AKIRIN1: variants seen among roughly 807,000 people sequenced by gnomAD.
The protein encoded by AKIRIN1 is akirin-1.
A neutral mutation model predicts 25.9 loss-of-function variants in AKIRIN1; 4 were observed. The observed-to-expected ratio is 0.15, with a 90% CI of 0.08 to 0.35. The LOEUF (loss-of-function observed/expected upper bound fraction) is 0.35. Ranked by LOEUF, AKIRIN1 falls within the 10% of genes least tolerant of loss-of-function variation. The pLI is 1.00. For synonymous variants in AKIRIN1, 125 were observed against 105.1 expected (o/e 1.19, Z -1.16); for missense variants, 243 against 266.1 (o/e 0.91, Z 0.61).
chr1:39,000,160 G>A (rs1643978267), intron 2 of AKIRIN1, among the ~76,000 whole-genome samples: 1 of 151,552 alleles, frequency 6.6e-6, no homozygotes, highest in Admixed American at 6.6e-5. Flanking sequence ...TGGGATTACA[G>A]GCGAGAGCCA....
chr1:38,994,493 G>A (rs1468259378), intron 1 of AKIRIN1, among the ~76,000 whole-genome samples: 1 of 151,940 alleles, frequency 6.6e-6, no homozygotes, highest in Non-Finnish European at 1.5e-5. Flanking sequence ...AATTAAGGTA[G>A]CATTTTAGCT....
At chr1:38,997,719 T>C (rs761180614) in intron 1 of AKIRIN1, among the ~76,000 whole-genome samples, 8 of 152,200 alleles carry the variant, frequency 5.3e-5, no homozygotes, top group Non-Finnish European at 1.2e-4. Flanking sequence ...TTAGAAGGTC[T>C]TGGGCAGTAT....
In AKIRIN1 at chr1:38,991,436, GC is replaced by G. The variant is rs1235709889; in HGVS notation, c.60del (p.Gly21AlafsTer60). ...ATGGAGTTCGAGGCGGCGCTGCTGA[GC>G]CCCGGCTCCCCGAAGCGGCGGCGCT... ...RPMEFEAALL[S>X]PGSPKRRRCA... On this transcript the variant is annotated frameshift_variant, in exon 1 of 5. Transcript: ENST00000432648. LOFTEE classifies it high-confidence loss of function. The G allele has an allele frequency of 7.3e-7, 1 of 1,369,258 alleles. No individual in the cohort carries two copies. The highest frequency in any genetic ancestry group is 9.4e-7 in the Non-Finnish European group (1 of 1,065,438). 84.8% of individuals were successfully genotyped at this position (1,369,258 alleles called of 1,614,324 possible).
At chr1:39,003,790 G>A (rs1404415250) in intron 4 of AKIRIN1, among the ~76,000 whole-genome samples, 1 of 152,202 alleles carries the variant, frequency 6.6e-6, no homozygotes, top group Non-Finnish European at 1.5e-5. Context: ...CCTTAAGTTA[G>A]TTTATCAAGT....
chr1:39,005,321 A>AC lies in AKIRIN1; in HGVS notation c.*1266_*1267insC, dbSNP rs1644026576. 5 of 143,892 alleles carry AC rather than the reference A, an allele frequency of 3.5e-5. No individual in the cohort carries two copies. The highest frequency in any genetic ancestry group is 7.8e-5 in the Non-Finnish European group (5 of 64,442). The allele number at this position is 143,892 out of a possible 1,614,324, so 8.9% of individuals were successfully genotyped here. ...AGACTTCGTCTCAAAAAAAAAAAAAAAACATAGAATTTGGATCCTTTGGTC... is the reference window on the plus strand; with the variant it reads ...AGACTTCGTCTCAAAAAAAAAAAAAACAACATAGAATTTGGATCCTTTGGTC... On this transcript the variant is annotated 3_prime_UTR_variant, in exon 5 of 5. Coordinates refer to ENST00000432648, the MANE Select transcript of AKIRIN1 (RefSeq NM_024595.3).
At chr1:39,003,949 C>A in intron 4 of AKIRIN1, 96 bp from the exon 5 acceptor site, 2 of 1,059,260 alleles carry the variant, frequency 1.9e-6, no homozygotes, top group Non-Finnish European at 2.8e-6. Flanking sequence ...ATCGTTCATG[C>A]TATTTCTCAC....
Position 38,991,380 on chromosome 1 carries a change from C to A in AKIRIN1, c.-1C>A, listed in dbSNP as rs1570968520. Reference sequence around the variant, plus strand: ...CTCCCGGTCCCTGGCCCCTCAGCGGCATGGCGTGCGGGGCGACGCTGAAGC... The same window carrying A: ...CTCCCGGTCCCTGGCCCCTCAGCGGAATGGCGTGCGGGGCGACGCTGAAGC... On this transcript the variant is annotated 5_prime_UTR_variant, in exon 1 of 5. Transcript: ENST00000432648. 1 of 1,337,334 alleles carries A rather than the reference C, an allele frequency of 7.5e-7. No individual in the cohort carries two copies. The highest frequency in any genetic ancestry group is 9.6e-7 in the Non-Finnish European group (1 of 1,046,738). 82.8% of individuals were successfully genotyped at this position (1,337,334 alleles called of 1,614,324 possible).
intron 3 of AKIRIN1, among the ~76,000 whole-genome samples, chr1:39,002,656 G>T (rs1057092372): frequency 6.6e-6 from 1 of 152,078 alleles, no homozygotes; most frequent in African/African-American, 2.4e-5. Flanking sequence ...CGTGAATCGG[G>T]GAGGCAGAGG....
chr1:39,002,200 T>TGTGA (rs1244663171), intron 3 of AKIRIN1, among the ~76,000 whole-genome samples: 3 of 152,132 alleles, frequency 2.0e-5, no homozygotes, highest in African/African-American at 7.2e-5. Context: ...AGGGTGACAG[T>TGTGA]GTGAGTAATT....
chr1:38,998,079 G>A, intron 1 of AKIRIN1, 92 bp from the exon 2 acceptor site: 13 of 1,377,302 alleles, frequency 9.4e-6, no homozygotes, highest in African/African-American at 1.4e-5. Context: ...CTAAAGTCTA[G>A]TCAGAAGATC....
intron 2 of AKIRIN1, among the ~76,000 whole-genome samples, chr1:38,999,899 T>G (rs573584516): frequency 8.6e-5 from 13 of 151,964 alleles, no homozygotes; most frequent in African/African-American, 1.4e-4. Context: ...TTTTTTTGGG[T>G]TTTTCTTGAG....
chr1:38,996,713 T>C (rs1643950967), intron 1 of AKIRIN1, among the ~76,000 whole-genome samples: 1 of 152,010 alleles, frequency 6.6e-6, no homozygotes, highest in South Asian at 2.1e-4. Context: ...TTATTTTTAG[T>C]AGAGACGGTG....
intron 3 of AKIRIN1, among the ~76,000 whole-genome samples, chr1:39,002,434 TAAG>T (rs1644000656): frequency 6.6e-6 from 1 of 152,104 alleles, no homozygotes; most frequent in African/African-American, 2.4e-5. Context: ...ATATGTATTA[TAAG>T]AAGAAGGTCT....
intron 1 of AKIRIN1, 45 bp downstream of exon 1, chr1:38,991,645 AT>A: frequency 4.1e-6 from 1 of 242,044 alleles, no homozygotes; most frequent in Non-Finnish European, 5.4e-6. Flanking sequence ...AGGCCCAGGC[AT>A]TTTTTGGGGG....
chr1:39,004,252 T>G lies in AKIRIN1; in HGVS notation c.*197T>G, dbSNP rs761309826. 23 of 714,556 alleles carry G rather than the reference T, an allele frequency of 3.2e-5. No homozygotes were observed. Among genetic ancestry groups the G allele is most frequent in the Non-Finnish European group, 5.3e-5 (21 of 393,322 alleles). 44.3% of individuals were successfully genotyped at this position (714,556 alleles called of 1,614,324 possible). ...CCACAAGCATATCTTTCTTTTCTGC[T>G]CATCCAATAAACAGCTGTGCCCTAC... On this transcript the variant is annotated 3_prime_UTR_variant, in exon 5 of 5. Transcript: ENST00000432648.
At chr1:38,993,133 A>G (rs1643921772) in intron 1 of AKIRIN1, among the ~76,000 whole-genome samples, 1 of 152,236 alleles carries the variant, frequency 6.6e-6, no homozygotes, top group Admixed American at 6.5e-5. Context: ...AAGAACCCTC[A>G]AGATAGTTGC....
rs1643961590 is a variant in AKIRIN1 at position 38,998,207 on chromosome 1, G to A, written c.257G>A (p.Arg86His). Residue 86 changes from arginine to histidine, a missense_variant, in exon 2 of 5, where the codon CGT (arginine) becomes CAT (histidine). Around this residue, in one of 3 missense-constraint regions of AKIRIN1, gnomAD observed 190 missense variants for 174.4 expected, o/e 1.09. Transcript: ENST00000432648. ...IFQNIKQEYS[R>H]YQRWRHLEVV... ...CAGAACATAAAACAAGAATATAGTC[G>A]TTATCAGAGGTGGAGACATTTAGAA... is the stretch of plus-strand genomic sequence containing the variant. 3 of 1,612,960 alleles carry A rather than the reference G, an allele frequency of 1.9e-6. No homozygotes were observed. Among genetic ancestry groups the A allele is most frequent in the Non-Finnish European group, 2.5e-6 (3 of 1,179,514 alleles).
At position 38,991,614 on chromosome 1, in the gene AKIRIN1, C is replaced by T. The variant is rs1174062492; in HGVS notation, c.220+14C>T. On this transcript the variant is annotated intron_variant, in intron 1 of 4. Coordinates refer to ENST00000432648, the MANE Select transcript of AKIRIN1 (RefSeq NM_024595.3). The stretch of plus-strand genomic sequence containing the variant: ...TTCCAACTCCGGGTAACCTGCCCTG[C>T]TCTGGGTTTGGCAGGAAGCCAGGCC... 2.8e-6 allele frequency: 3 copies of T among 1,055,222 alleles called. No individual in the cohort carries two copies. Among genetic ancestry groups the T allele is most frequent in the African/African-American group, 1.8e-5 (1 of 54,872 alleles). 65.4% of individuals were successfully genotyped at this position (1,055,222 alleles called of 1,614,324 possible).
In AKIRIN1 at chr1:38,991,327, T is replaced by A; in HGVS notation, c.-54T>A. On this transcript the variant is annotated 5_prime_UTR_variant, in exon 1 of 5. Coordinates refer to ENST00000432648, the MANE Select transcript of AKIRIN1 (RefSeq NM_024595.3). ...GGCTGGCGAGCCCGGCTGAGGAGCCTCTTGGGCCGCACTTACCGCCGCGTC... is the reference window on the plus strand; with the variant it reads ...GGCTGGCGAGCCCGGCTGAGGAGCCACTTGGGCCGCACTTACCGCCGCGTC... The A allele has an allele frequency of 7.6e-7, 1 of 1,312,308 alleles. No individual in the cohort carries two copies. The highest frequency in any genetic ancestry group is 9.7e-7 in the Non-Finnish European group (1 of 1,029,844). The allele number at this position is 1,312,308 out of a possible 1,614,324, so 81.3% of individuals were successfully genotyped here. A position where few individuals can be genotyped will look rare whatever the true frequency, so the allele number is the denominator to read the frequency against.
Sources: allele counts gnomAD v4.1 joint callset (sites outside exome capture counted in the v4.1 genomes callset), GRCh38; gene constraint gnomAD v4.1.1; regional missense constraint gnomAD v4.1.1; transcripts MANE v1.5; gene names NCBI Gene and HGNC (gene_info 2026-07-23, HGNC 2026-07-21).